Variants in COL8A1 observed in about 807,000 individuals in gnomAD.
COL8A1 encodes the protein collagen type VIII alpha 1 chain.
COL8A1 carries 21 observed loss-of-function variants against 42.7 expected under a neutral mutation model. The observed-to-expected ratio is 0.49, with a 90% CI of 0.35 to 0.71. COL8A1 has a LOEUF of 0.71. Among genes scored for constraint, COL8A1 ranks in the 30% least tolerant of loss-of-function variants. The pLI is 0.01. For synonymous variants in COL8A1, 367 were observed against 369.1 expected (o/e 0.99, Z 0.06); for missense variants, 788 against 962.4 (o/e 0.82, Z 2.40).
chr3:99,780,799 G>C (rs996079741), intron 2 of COL8A1, among the ~76,000 whole-genome samples: 1 of 152,044 alleles, frequency 6.6e-6, no homozygotes, highest in African/African-American at 2.4e-5. Flanking sequence ...ATGTTCAGTG[G>C]ATTAACTGTG....
In COL8A1 at chr3:99,641,198, G is replaced by C. The variant is rs9812429; in HGVS notation, c.-129+2534G>C. Among the ~76,000 whole-genome samples the C allele has an allele frequency of 4.3e-3, 660 of 152,244 alleles. 3 individuals are homozygous for C. Among genetic ancestry groups the C allele is most frequent in the African/African-American group, 0.015 (628 of 41,546 alleles). ...TGAAAGAGAAGCTGGAGGAATCACA[G>C]AAGTGCCCTAGGAGAAAAGCAAGAT... On this transcript the variant is annotated intron_variant, in intron 1 of 3. Transcript: ENST00000652472.
intron 1 of COL8A1, among the ~76,000 whole-genome samples, chr3:99,661,618 T>A (rs1938209210): frequency 6.6e-6 from 1 of 152,198 alleles, no homozygotes; most frequent in Admixed American, 6.5e-5. Context: ...TCATTTCTGG[T>A]TATATGCTCC....
At chr3:99,642,561 G>T (rs913042837) in intron 1 of COL8A1, among the ~76,000 whole-genome samples, 1 of 152,220 alleles carries the variant, frequency 6.6e-6, no homozygotes, top group South Asian at 2.1e-4. Flanking sequence ...ATTCACCTTC[G>T]GTGTCCTCTA....
chr3:99,727,021 G>T (rs1190575323), intron 1 of COL8A1, among the ~76,000 whole-genome samples: 1 of 41,994 alleles, frequency 2.4e-5, no homozygotes, highest in Non-Finnish European at 5.1e-5. Flanking sequence ...CCATTTTCAT[G>T]ATATTGATTC....
chr3:99,773,839 T>TTATATATATATATATA (rs1941638516), intron 2 of COL8A1, among the ~76,000 whole-genome samples: 1 of 26,908 alleles, frequency 3.7e-5, no homozygotes, highest in Non-Finnish European at 7.5e-5. Context: ...ATATATATAT[T>TTATATATATATATATA]TTTTTTTTTT....
intron 1 of COL8A1, among the ~76,000 whole-genome samples, chr3:99,734,630 C>T (rs557021053): frequency 0.021 from 3,220 of 151,832 alleles, 47 homozygotes; most frequent in Middle Eastern, 0.027. Context: ...CTTGGCGATG[C>T]GGGCTTTTTT....
At chr3:99,763,792 T>G (rs1394506513) in intron 2 of COL8A1, among the ~76,000 whole-genome samples, 1 of 152,156 alleles carries the variant, frequency 6.6e-6, no homozygotes, top group Non-Finnish European at 1.5e-5. Flanking sequence ...TTGGTCACCA[T>G]CTACTCTGCC....
At chr3:99,744,104 A>AT (rs35463348) in intron 1 of COL8A1, among the ~76,000 whole-genome samples, 3 of 151,636 alleles carry the variant, frequency 2.0e-5, no homozygotes, top group African/African-American at 7.3e-5. Context: ...AATTTTTTGT[A>AT]TTTTTTTAGT....
intron 1 of COL8A1, among the ~76,000 whole-genome samples, chr3:99,715,588 A>G (rs990750266): frequency 2.0e-5 from 3 of 152,066 alleles, no homozygotes; most frequent in Admixed American, 2.0e-4. Context: ...ATGTATCAGA[A>G]CTTGTACCTG....
rs1471987586 is a variant in COL8A1 at position 99,796,160 on chromosome 3, AAAAG to A, written c.*30_*33del. 4.2e-6 allele frequency: 6 copies of A among 1,444,872 alleles called. No individual in the cohort carries two copies. The highest frequency in any genetic ancestry group is 2.8e-5 in the African/African-American group (2 of 70,852). 89.5% of individuals were successfully genotyped at this position (1,444,872 alleles called of 1,614,324 possible). ...AAAAACAAAAAAACAAAAAACAAAG[AAAAG>A]AAAGAGATTTTATAGAAGAAAATGA... is the stretch of plus-strand genomic sequence containing the variant. On this transcript the variant is annotated 3_prime_UTR_variant, in exon 4 of 4. Transcript: ENST00000652472.
intron 1 of COL8A1, among the ~76,000 whole-genome samples, chr3:99,649,841 T>C (rs1937781610): frequency 6.6e-6 from 1 of 152,120 alleles, no homozygotes; most frequent in African/African-American, 2.4e-5. Flanking sequence ...TTGACTGAAC[T>C]CTGCAGCTAA....
At chr3:99,750,618 A>C (rs112686057) in intron 2 of COL8A1, among the ~76,000 whole-genome samples, 234 of 152,348 alleles carry the variant, frequency 1.5e-3, no homozygotes, top group African/African-American at 5.2e-3. Flanking sequence ...TTTTTAAAAA[A>C]TAATAATAAA....
At chr3:99,724,999 G>A (rs1940262062) in intron 1 of COL8A1, among the ~76,000 whole-genome samples, 2 of 152,020 alleles carry the variant, frequency 1.3e-5, no homozygotes, top group African/African-American at 2.4e-5. Context: ...ATTTTGGATT[G>A]TGGTAAGGAT....
intron 2 of COL8A1, among the ~76,000 whole-genome samples, chr3:99,771,937 A>C (rs1351774281): frequency 6.6e-6 from 1 of 152,176 alleles, no homozygotes; most frequent in African/African-American, 2.4e-5. Context: ...GTAAAAGACA[A>C]CTGTTTTATT....
At chr3:99,640,428 A>C (rs960764015) in intron 1 of COL8A1, among the ~76,000 whole-genome samples, 2 of 152,322 alleles carry the variant, frequency 1.3e-5, no homozygotes, top group Non-Finnish European at 2.9e-5. Context: ...CAAGGATGAA[A>C]ATACGCTGCT....
At chr3:99,681,340 CAG>C (rs747100772) in intron 1 of COL8A1, among the ~76,000 whole-genome samples, 31 of 152,136 alleles carry the variant, frequency 2.0e-4, no homozygotes. Context: ...AGGATATGAA[CAG>C]ACACTTCTCA....
rs1940656227 is a variant in COL8A1, at chr3:99,734,937, T to C, written c.-128-9960T>C. ...ATTGTGAATGGGAGTTCACTCATGA[T>C]TTGGTTCTCTGTTTGTCTGCTGTTG... On this transcript the variant is annotated intron_variant, in intron 1 of 3. Transcript: ENST00000652472. Among the ~76,000 whole-genome samples the C allele has an allele frequency of 2.7e-5, 4 of 149,952 alleles. No individual in the cohort carries two copies. In the South Asian group the frequency reaches 8.6e-4, roughly 32 times the overall value.
rs1942068977 is a variant in COL8A1 at position 99,794,721 on chromosome 3, C to G, written c.820C>G (p.Pro274Ala). The change falls in exon 4 of 4, where the codon CCA (proline) becomes GCA (alanine). Residue 274 changes from proline to alanine, a missense_variant. Pro to Ala is a conservative substitution (Grantham distance 27). This residue lies in a region of COL8A1 where 421 missense variants were observed against 553.1 expected (regional missense o/e 0.76). Coordinates refer to ENST00000652472, the MANE Select transcript of COL8A1 (RefSeq NM_020351.4). The surrounding 1 kb of genome is among the most constrained non-coding windows in gnomAD (Gnocchi z 4.3). The stretch of plus-strand genomic sequence containing the variant: ...TGTTGGACTGCCAGGAGTGGGCAAA[C>G]CAGGAGTGACAGGCTTCCCTGGGCC... ...GPVGLPGVGK[P>A]GVTGFPGPQG... The G allele has an allele frequency of 6.2e-7, 1 of 1,607,954 alleles. No homozygotes were observed. Among genetic ancestry groups the G allele is most frequent in the African/African-American group, 1.3e-5 (1 of 74,430 alleles).
chr3:99,657,663 T>C (rs1281181334), intron 1 of COL8A1, among the ~76,000 whole-genome samples: 4 of 152,198 alleles, frequency 2.6e-5, no homozygotes, highest in African/African-American at 9.6e-5. Context: ...CCTTCCCTCC[T>C]GATACAGTAG....
Sources: allele counts gnomAD v4.1 joint callset (sites outside exome capture counted in the v4.1 genomes callset), GRCh38; gene constraint gnomAD v4.1.1; regional missense constraint gnomAD v4.1.1; non-coding constraint Gnocchi (gnomAD v3.1); transcripts MANE v1.5; gene names NCBI Gene and HGNC (gene_info 2026-07-23, HGNC 2026-07-21).